Variants in CDH4 observed in about 807,000 individuals in gnomAD.
The protein encoded by CDH4 is cadherin-4.
Under a neutral mutation model 86.0 loss-of-function variants are expected in CDH4, and 33 were observed. The ratio of observed to expected loss-of-function variants is 0.38; its 90% CI spans 0.29 to 0.51. The LOEUF (loss-of-function observed/expected upper bound fraction) is 0.51. CDH4 is among the 20% of genes least tolerant of loss of function. The probability of loss-of-function intolerance (pLI) is 0.86; values close to 1 mark genes in which losing one functional copy is unlikely to be tolerated. For synonymous variants in CDH4, 555 were observed against 549.4 expected, an observed-to-expected ratio of 1.01 and a Z score of -0.14; for missense variants, 1,114 against 1,307.4, an observed-to-expected ratio of 0.85 and a Z score of 2.28.
intron 2 of CDH4, among the ~76,000 whole-genome samples, chr20:61,435,396 A>G (rs980456310): frequency 1.3e-5 from 2 of 152,246 alleles, no homozygotes; most frequent in African/African-American, 4.8e-5. Flanking sequence ...TCTGAGACTC[A>G]TAGCTGGGGC....
chr20:61,258,330 A>AAAAAAAG (rs1491305559), intron 2 of CDH4, among the ~76,000 whole-genome samples: 18 of 14,126 alleles, frequency 1.3e-3, no homozygotes, highest in African/African-American at 3.2e-3. Context: ...ACTCCGTCTC[A>AAAAAAAG]AAAAAAAAAA....
chr20:61,782,754 G>A (rs189169039), intron 4 of CDH4, among the ~76,000 whole-genome samples: 1 of 152,322 alleles, frequency 6.6e-6, no homozygotes, highest in Admixed American at 6.5e-5. Context: ...TTATGAAGTT[G>A]AGATGAGTAT....
chr20:61,333,536 G>A (rs2084597829), intron 2 of CDH4, among the ~76,000 whole-genome samples: 3 of 152,186 alleles, frequency 2.0e-5, no homozygotes, highest in African/African-American at 4.8e-5. Flanking sequence ...AGTGGCAGGT[G>A]CAGCCCTAAG....
intron 2 of CDH4, among the ~76,000 whole-genome samples, chr20:61,438,820 T>C (rs1014930999): frequency 3.3e-5 from 5 of 151,832 alleles, no homozygotes; most frequent in African/African-American, 1.2e-4. Flanking sequence ...CAAAAGTAAA[T>C]CCTGCCATGT....
intron 2 of CDH4, among the ~76,000 whole-genome samples, chr20:61,567,811 G>A (rs372182739): frequency 2.6e-5 from 4 of 152,130 alleles, no homozygotes; most frequent in South Asian, 4.2e-4. Context: ...GCAAAACCCC[G>A]TATGTTAAAA....
At position 61,481,773 on chromosome 20, in the gene CDH4, G is replaced by C. The variant is rs181914982; in HGVS notation, c.169+226836G>C. On this transcript the variant is annotated intron_variant, in intron 2 of 15. Coordinates refer to ENST00000614565, the MANE Select transcript of CDH4 (RefSeq NM_001794.5). ...AGAATCGTAGTTTGTCTCTCATTCT[G>C]TTTGTGCCGTTATGTATATAAGAGA... is the stretch of plus-strand genomic sequence containing the variant. 3.8e-4 allele frequency among the ~76,000 whole-genome samples: 57 copies of C among 149,768 alleles called. 1 individual carries two copies. The East Asian group carries it at 0.011, about 28-fold the overall frequency.
chr20:61,691,340 T>A (rs2087651435), intron 2 of CDH4, among the ~76,000 whole-genome samples: 1 of 151,514 alleles, frequency 6.6e-6, no homozygotes, highest in Non-Finnish European at 1.5e-5. Flanking sequence ...GATGTGTGTA[T>A]GTGTGTGTAT....
At chr20:61,534,318 G>A (rs1040507023) in intron 2 of CDH4, among the ~76,000 whole-genome samples, 6 of 152,176 alleles carry the variant, frequency 3.9e-5, no homozygotes, top group Non-Finnish European at 7.3e-5. Context: ...GGAGGGTATC[G>A]GGGCAGGAAC....
At chr20:61,714,643 A>C (rs2087932786) in intron 2 of CDH4, among the ~76,000 whole-genome samples, 1 of 152,186 alleles carries the variant, frequency 6.6e-6, no homozygotes, top group Non-Finnish European at 1.5e-5. Context: ...CCCACTTACA[A>C]GTGAGGACAT....
intron 2 of CDH4, among the ~76,000 whole-genome samples, chr20:61,331,715 G>GGCCACCTACCCCAGACCC (rs2084580624): frequency 3.2e-3 from 118 of 36,588 alleles, no homozygotes; most frequent in Admixed American, 6.0e-3. Flanking sequence ...CTCCTGCCCC[G>GGCCACCTACCCCAGACCC]ACCACCTGAC....
intron 9 of CDH4, among the ~76,000 whole-genome samples, chr20:61,916,143 C>T (rs73917138): frequency 2.0e-5 from 3 of 146,792 alleles, no homozygotes; most frequent in African/African-American, 7.5e-5. Context: ...GTAGAGACGT[C>T]GTCTTTTCAG....
intron 4 of CDH4, among the ~76,000 whole-genome samples, chr20:61,806,527 G>A (rs528994804): frequency 2.6e-5 from 4 of 152,008 alleles, no homozygotes; most frequent in Admixed American, 6.6e-5. Context: ...TGAGGAACAC[G>A]TGTGCACACA....
At chr20:61,311,976 T>C (rs2084447977) in intron 2 of CDH4, among the ~76,000 whole-genome samples, 1 of 152,268 alleles carries the variant, frequency 6.6e-6, no homozygotes, top group Non-Finnish European at 1.5e-5. Flanking sequence ...TGTATGTGTT[T>C]ACATGCCTGC....
intron 3 of CDH4, among the ~76,000 whole-genome samples, chr20:61,769,041 C>G (rs953229803): frequency 4.6e-5 from 7 of 152,168 alleles, no homozygotes; most frequent in Non-Finnish European, 1.0e-4. Context: ...CTGGGAGATG[C>G]GGGGGAGCTG....
intron 2 of CDH4, among the ~76,000 whole-genome samples, chr20:61,717,012 A>G (rs1043179546): frequency 6.6e-6 from 1 of 152,164 alleles, no homozygotes; most frequent in Non-Finnish European, 1.5e-5. Context: ...GGTAGAGGAA[A>G]CCCTCTGCAC....
intron 2 of CDH4, among the ~76,000 whole-genome samples, chr20:61,680,310 G>A (rs1359414458): frequency 3.9e-5 from 6 of 152,222 alleles, no homozygotes; most frequent in African/African-American, 1.2e-4. Flanking sequence ...AAGCTGCTGT[G>A]GGACCCGCAC....
rs372321209 is a variant in CDH4, at chr20:61,589,825, TAAAA to T, written c.170-153727_170-153724del. 4.1e-3 allele frequency among the ~76,000 whole-genome samples: 547 copies of T among 133,394 alleles called. 7 individuals are homozygous for T. The highest frequency in any genetic ancestry group is 0.014 in the African/African-American group (517 of 36,558). The allele number at this position is 133,394 out of a possible 152,430, so 87.5% of individuals were successfully genotyped here. Reference sequence around the variant, plus strand: ...CTAAAACTTAAAGTATAATAATAATTAAAAAAAAAAAAAAGAAAGACAAGGTTCA... The same window carrying T: ...CTAAAACTTAAAGTATAATAATAATTAAAAAAAAAAGAAAGACAAGGTTCA... On this transcript the variant is annotated intron_variant, in intron 2 of 15. Coordinates refer to ENST00000614565, the MANE Select transcript of CDH4 (RefSeq NM_001794.5).
chr20:61,922,386 G>A (rs892305055), intron 9 of CDH4, among the ~76,000 whole-genome samples: 6 of 152,182 alleles, frequency 3.9e-5, no homozygotes, highest in South Asian at 2.1e-4. Context: ...CTGCAGAACC[G>A]TAGCTCTAGC....
intron 2 of CDH4, among the ~76,000 whole-genome samples, chr20:61,675,941 T>C (rs1478961234): frequency 2.0e-5 from 3 of 152,220 alleles, no homozygotes; most frequent in Non-Finnish European, 4.4e-5. Context: ...TTGCTCTACC[T>C]GGAGGCCCAC....
Sources: gnomAD v4.1 joint callset for allele counts (sites outside exome capture counted in the v4.1 genomes callset) on GRCh38, gnomAD v4.1.1 for gene constraint, MANE v1.5 for transcripts, NCBI Gene and HGNC (gene_info 2026-07-23, HGNC 2026-07-21) for gene names.